IQCM: variants seen among roughly 807,000 people sequenced by gnomAD.
The protein encoded by IQCM is IQ motif containing M.
A neutral mutation model predicts 57.6 loss-of-function variants in IQCM; 45 were observed. That is an observed-to-expected ratio of 0.78 (90% confidence interval 0.62 to 1.00). The LOEUF (loss-of-function observed/expected upper bound fraction) is 1.00, where lower values mean the gene tolerates loss of function less well. Among genes scored for constraint, IQCM ranks in the 50% least tolerant of loss-of-function variants. The pLI, the probability that IQCM is intolerant of heterozygous loss-of-function variation, is 0.00. For missense variants in IQCM, 468 were observed against 511.6 expected (o/e 0.91, Z 0.82); for synonymous variants, 148 against 158.9 (o/e 0.93, Z 0.51).
intron 7 of IQCM, among the ~76,000 whole-genome samples, chr4:149,641,343 C>A (rs1386473403): frequency 1.3e-5 from 2 of 152,028 alleles, no homozygotes; most frequent in African/African-American, 2.4e-5. Context: ...CAAAATCCTT[C>A]CCTATATTTA....
chr4:149,651,437 G>C (rs1348210377), intron 7 of IQCM, among the ~76,000 whole-genome samples: 1 of 152,084 alleles, frequency 6.6e-6, no homozygotes, highest in Non-Finnish European at 1.5e-5. Flanking sequence ...AGAAATAAAG[G>C]CTAAAAGAAT....
intron 5 of IQCM, among the ~76,000 whole-genome samples, chr4:149,727,519 A>T (rs2149874003): frequency 6.6e-6 from 1 of 152,326 alleles, no homozygotes; most frequent in Middle Eastern, 3.4e-3. Context: ...AAAACAAGCA[A>T]GAAGGGAAAA....
chr4:149,518,750 A>G (rs1745261702), intron 12 of IQCM, among the ~76,000 whole-genome samples: 1 of 152,214 alleles, frequency 6.6e-6, no homozygotes, highest in African/African-American at 2.4e-5. Context: ...TGTAAAGGTG[A>G]AAAGAGAGTT....
chr4:149,787,387 A>C (rs548813524), intron 2 of IQCM, among the ~76,000 whole-genome samples: 9 of 152,276 alleles, frequency 5.9e-5, no homozygotes, highest in African/African-American at 2.2e-4. Flanking sequence ...GAAACAAAAA[A>C]TATCCTAAAT....
intron 13 of IQCM, among the ~76,000 whole-genome samples, chr4:149,367,816 A>G (rs1729947869): frequency 6.6e-6 from 1 of 152,024 alleles, no homozygotes; most frequent in Non-Finnish European, 1.5e-5. Context: ...AAAAGAAGTT[A>G]TTGCTTTATT....
intron 12 of IQCM, among the ~76,000 whole-genome samples, chr4:149,511,420 T>C (rs921903557): frequency 2.6e-5 from 4 of 151,672 alleles, no homozygotes; most frequent in African/African-American, 9.7e-5. Flanking sequence ...CCCAGCTACT[T>C]GGGAGGCTGA....
In IQCM at chr4:149,605,546, C is replaced by T. The variant is rs929687802; in HGVS notation, c.681+15583G>A. On this transcript the variant is annotated intron_variant, in intron 8 of 13. Transcript: ENST00000636793. ...TGTAGTACATTCTCCCAATAAGTATCTTCTAAGCTAGGACAATAGTAGGGT... is the reference window on the plus strand; with the variant it reads ...TGTAGTACATTCTCCCAATAAGTATTTTCTAAGCTAGGACAATAGTAGGGT... 7.9e-5 allele frequency among the ~76,000 whole-genome samples: 12 copies of T among 152,236 alleles called. No homozygotes were observed. In the East Asian group the frequency reaches 2.3e-3, roughly 29 times the overall value.
At position 149,763,159 on chromosome 4, in the gene IQCM, G is replaced by A. The variant is rs942291652; in HGVS notation, c.-48-20420C>T. ...GTACGGAACTCATCATCATCATCAC[G>A]GTCGTCACCAGGAAGCAATAATGTG... On this transcript the variant is annotated intron_variant, in intron 2 of 13. Coordinates refer to ENST00000636793, the MANE Select transcript of IQCM (RefSeq NM_001363507.2). Among the ~76,000 whole-genome samples, 12 of 151,792 alleles carry A rather than the reference G, an allele frequency of 7.9e-5. No individual in the cohort carries two copies. The East Asian group carries it at 1.6e-3, about 20-fold the overall frequency.
In IQCM at chr4:149,604,727, G is replaced by C. The variant is rs868616772; in HGVS notation, c.681+16402C>G. Among the ~76,000 whole-genome samples the C allele has an allele frequency of 3.9e-5, 6 of 152,298 alleles. No individual in the cohort carries two copies. The South Asian group carries it at 1.0e-3, about 26-fold the overall frequency. ...TTATTCCTAAGAACATTAAAAGGAA[G>C]TCAAGTGAGACATGTTCAGTAACAG... On this transcript the variant is annotated intron_variant, in intron 8 of 13. Coordinates refer to ENST00000636793, the MANE Select transcript of IQCM (RefSeq NM_001363507.2).
chr4:149,573,673 C>T (rs1310768267), intron 9 of IQCM, among the ~76,000 whole-genome samples: 2 of 151,500 alleles, frequency 1.3e-5, no homozygotes, highest in African/African-American at 4.8e-5. Context: ...CAGTGATGTG[C>T]ACCTGTAGTC....
At chr4:149,616,526 C>T (rs1755804587) in intron 8 of IQCM, among the ~76,000 whole-genome samples, 1 of 151,752 alleles carries the variant, frequency 6.6e-6, no homozygotes, top group Non-Finnish European at 1.5e-5. Flanking sequence ...TGGTTACACA[C>T]AATGTGATTG....
Position 149,374,992 on chromosome 4 carries a change from T to TGC in IQCM, c.1391-22927_1391-22926insGC, listed in dbSNP as rs1287652826. Among the ~76,000 whole-genome samples the TGC allele has an allele frequency of 7.3e-5, 9 of 123,348 alleles. No homozygotes were observed. In the East Asian group the frequency reaches 1.9e-3, roughly 26 times the overall value. The allele number at this position is 123,348 out of a possible 152,430, so 80.9% of individuals were successfully genotyped here. On this transcript the variant is annotated intron_variant, in intron 13 of 13. Transcript: ENST00000636793. ...TTGTGTGTGTGTGTGTGTGTGTGTG[T>TGC]GTGTGTTGTGTGTGTGTGATGTTCT...
intron 12 of IQCM, among the ~76,000 whole-genome samples, chr4:149,485,496 A>T (rs1741378692): frequency 6.6e-6 from 1 of 151,710 alleles, no homozygotes; most frequent in South Asian, 2.1e-4. Flanking sequence ...TCTGCTACTA[A>T]GAGACTCTGA....
In IQCM at chr4:149,438,038, G is replaced by C. The variant is rs554438894; in HGVS notation, c.1229-4481C>G. The stretch of plus-strand genomic sequence containing the variant: ...GTCAGGACCAGTCCTAAGTGTACCA[G>C]GGAGACTTGTGGCTAACAAAGCTCT... On this transcript the variant is annotated intron_variant, in intron 12 of 13. Coordinates refer to ENST00000636793, the MANE Select transcript of IQCM (RefSeq NM_001363507.2). 2.0e-5 allele frequency among the ~76,000 whole-genome samples: 3 copies of C among 152,146 alleles called. No individual in the cohort carries two copies. In the South Asian group the frequency reaches 6.2e-4, roughly 32 times the overall value.
chr4:149,668,572 TG>T (rs1347882702), intron 7 of IQCM, among the ~76,000 whole-genome samples: 2 of 152,106 alleles, frequency 1.3e-5, no homozygotes, highest in Non-Finnish European at 2.9e-5. Flanking sequence ...GATGGGTTGA[TG>T]GGTGCAGCAA....
At chr4:149,698,949 T>G (rs1177851729) in intron 5 of IQCM, among the ~76,000 whole-genome samples, 1 of 152,018 alleles carries the variant, frequency 6.6e-6, no homozygotes, top group African/African-American at 2.4e-5. Context: ...ACATGCAAAG[T>G]CTTTAGCACA....
intron 13 of IQCM, among the ~76,000 whole-genome samples, chr4:149,416,758 C>T (rs879183149): frequency 6.6e-6 from 1 of 152,014 alleles, no homozygotes; most frequent in Admixed American, 6.6e-5. Context: ...AGTTATAAAC[C>T]CTTCTGCCTT....
At chr4:149,680,913 C>T (rs1481338487) in intron 7 of IQCM, among the ~76,000 whole-genome samples, 1 of 151,278 alleles carries the variant, frequency 6.6e-6, no homozygotes, top group Non-Finnish European at 1.5e-5. Flanking sequence ...AAAAATAAGA[C>T]TTAAATGAAT....
intron 2 of IQCM, among the ~76,000 whole-genome samples, chr4:149,794,933 AC>A (rs1253574285): frequency 6.6e-6 from 1 of 152,172 alleles, no homozygotes; most frequent in Non-Finnish European, 1.5e-5. Context: ...ATCACAGATT[AC>A]CCTTTTACTG....
Sources: gnomAD v4.1 joint callset for allele counts (sites outside exome capture counted in the v4.1 genomes callset) on GRCh38, gnomAD v4.1.1 for gene constraint, MANE v1.5 for transcripts, NCBI Gene and HGNC (gene_info 2026-07-23, HGNC 2026-07-21) for gene names.